TAFA2: variants seen among roughly 807,000 people sequenced by gnomAD.
The protein encoded by TAFA2 is TAFA chemokine like family member 2, also known as chemokine-like protein TAFA-2.
In TAFA2, 7 loss-of-function variants were observed where a neutral mutation model predicts 18.8. That is an observed-to-expected ratio of 0.37 (90% confidence interval 0.21 to 0.70). The LOEUF (loss-of-function observed/expected upper bound fraction) is 0.70. Among genes scored for constraint, TAFA2 ranks in the 30% least tolerant of loss-of-function variants. The probability of loss-of-function intolerance (pLI) is 0.53; values close to 1 mark genes in which losing one functional copy is unlikely to be tolerated. For missense variants in TAFA2, 122 were observed against 158.1 expected, an observed-to-expected ratio of 0.77 and a Z score of 1.23; for synonymous variants, 60 against 54.2, an observed-to-expected ratio of 1.11 and a Z score of -0.47.
At chr12:61,919,430 G>A (rs1876957444) in intron 1 of TAFA2, among the ~76,000 whole-genome samples, 1 of 152,110 alleles carries the variant, frequency 6.6e-6, no homozygotes, top group South Asian at 2.1e-4. Flanking sequence ...TTCACAGATG[G>A]AAGCTTCAGT....
At chr12:61,787,987 TGA>T (rs1870807826) in intron 2 of TAFA2, among the ~76,000 whole-genome samples, 1 of 151,444 alleles carries the variant, frequency 6.6e-6, no homozygotes, top group African/African-American at 2.4e-5. Context: ...GCAAAAAGAC[TGA>T]GAGTGAAGGG....
In TAFA2 at chr12:61,851,774, C is replaced by CAA. The variant is rs55651727; in HGVS notation, c.106+15544_106+15545dup. Among the ~76,000 whole-genome samples, 19 of 14,494 alleles carry CAA rather than the reference C, an allele frequency of 1.3e-3. 6 individuals carry two copies. Among genetic ancestry groups the CAA allele is most frequent in the East Asian group, 3.2e-3 (1 of 312 alleles). The allele number at this position is 14,494 out of a possible 152,430, so 9.5% of individuals were successfully genotyped here. The stretch of plus-strand genomic sequence containing the variant: ...TGGGCGACAGAGCGAGACTCCATCT[C>CAA]AAAAAAAAAAAAAAAAAAAAAAAAA... On this transcript the variant is annotated intron_variant, in intron 2 of 4. Transcript: ENST00000416284.
intron 2 of TAFA2, among the ~76,000 whole-genome samples, chr12:61,790,457 T>C (rs150267946): frequency 1.7e-4 from 26 of 151,948 alleles, no homozygotes; most frequent in African/African-American, 6.0e-4. Flanking sequence ...TAGTCTTATG[T>C]ATAGAAAATC....
intron 2 of TAFA2, among the ~76,000 whole-genome samples, chr12:61,864,090 T>C (rs1313219060): frequency 6.6e-6 from 1 of 152,112 alleles, no homozygotes; most frequent in African/African-American, 2.4e-5. Flanking sequence ...AAACAAGAAT[T>C]CCTGACTTGG....
At chr12:62,001,387 T>C (rs1474155104) in intron 1 of TAFA2, among the ~76,000 whole-genome samples, 2 of 152,090 alleles carry the variant, frequency 1.3e-5, no homozygotes, top group African/African-American at 4.8e-5. Flanking sequence ...GTAATTAATA[T>C]ATAATAAAAT....
At position 61,855,551 on chromosome 12, in the gene TAFA2, T is replaced by C. The variant is rs1080395; in HGVS notation, c.106+11769A>G. ...AAATGCACTTAAAATATGCTCTTTA[T>C]TTAACATGTATATTTATATTTCATC... On this transcript the variant is annotated intron_variant, in intron 2 of 4. Transcript: ENST00000416284. 8.5e-3 allele frequency among the ~76,000 whole-genome samples: 1,302 copies of C among 152,302 alleles called. 12 individuals carry two copies. Among genetic ancestry groups the C allele is most frequent in the African/African-American group, 0.029 (1,221 of 41,568 alleles).
At chr12:62,047,531 GT>G (rs376783608) in intron 1 of TAFA2, among the ~76,000 whole-genome samples, 270 of 152,224 alleles carry the variant, frequency 1.8e-3, no homozygotes, top group African/African-American at 6.1e-3. Flanking sequence ...TAGATGCCAG[GT>G]TTATTTGATC....
At chr12:62,069,689 A>G in intron 1 of TAFA2, among the ~76,000 whole-genome samples, 1 of 152,316 alleles carries the variant, frequency 6.6e-6, no homozygotes, top group South Asian at 2.1e-4. Flanking sequence ...AAGAAAACAC[A>G]TAATATATTG....
At chr12:62,006,598 A>G (rs1880559721) in intron 1 of TAFA2, among the ~76,000 whole-genome samples, 2 of 152,196 alleles carry the variant, frequency 1.3e-5, no homozygotes, top group African/African-American at 2.4e-5. Context: ...GAGAGGCTAC[A>G]ACTAGGAAGA....
At chr12:61,816,939 G>A (rs1565644192) in intron 2 of TAFA2, among the ~76,000 whole-genome samples, 1 of 151,178 alleles carries the variant, frequency 6.6e-6, no homozygotes, top group Non-Finnish European at 1.5e-5. Flanking sequence ...TATATATATT[G>A]TAATAGTATG....
At chr12:62,241,967 T>C (rs1020451805) in intron 1 of TAFA2, among the ~76,000 whole-genome samples, 3 of 152,224 alleles carry the variant, frequency 2.0e-5, no homozygotes, top group Admixed American at 6.5e-5. Context: ...TAGATGAAGA[T>C]AGTTAAGAGA....
chr12:62,011,751 T>TAAA (rs202026493), intron 1 of TAFA2, among the ~76,000 whole-genome samples: 6 of 102,864 alleles, frequency 5.8e-5, no homozygotes, highest in South Asian at 3.2e-4. Context: ...CAATAAATAC[T>TAAA]AAAAAAAAAA....
chr12:62,086,362 C>T (rs1477798164), intron 1 of TAFA2, among the ~76,000 whole-genome samples: 1 of 151,852 alleles, frequency 6.6e-6, no homozygotes, highest in East Asian at 1.9e-4. Flanking sequence ...AAAAGACAAC[C>T]CATAAAATGA....
intron 1 of TAFA2, among the ~76,000 whole-genome samples, chr12:61,966,807 T>A (rs536175056): frequency 3.9e-4 from 59 of 152,044 alleles, no homozygotes; most frequent in African/African-American, 1.3e-3. Flanking sequence ...ACAAATTCTC[T>A]CTTCCTTCTT....
At chr12:62,190,951 CTGT>C (rs1176179399) in intron 1 of TAFA2, among the ~76,000 whole-genome samples, 1 of 151,176 alleles carries the variant, frequency 6.6e-6, no homozygotes, top group African/African-American at 2.4e-5. Context: ...TGGTCGTTTG[CTGT>C]TATTAGGAGA....
chr12:62,246,321 AT>A (rs1256842510), intron 1 of TAFA2, among the ~76,000 whole-genome samples: 3 of 152,120 alleles, frequency 2.0e-5, no homozygotes, highest in Non-Finnish European at 4.4e-5. Context: ...ATGCTATGTA[AT>A]CTCTAACTAT....
At chr12:61,806,302 C>T (rs750406050) in intron 2 of TAFA2, among the ~76,000 whole-genome samples, 26 of 152,224 alleles carry the variant, frequency 1.7e-4, no homozygotes, top group East Asian at 7.7e-4. Flanking sequence ...ATGAGTCTCA[C>T]GAGATCTGAT....
intron 4 of TAFA2, among the ~76,000 whole-genome samples, chr12:61,715,251 T>C (rs191728193): frequency 9.2e-5 from 14 of 152,340 alleles, no homozygotes; most frequent in Non-Finnish European, 1.6e-4. Flanking sequence ...AATCTTGTTA[T>C]GTTAATAATA....
At chr12:62,021,715 T>C (rs983019888) in intron 1 of TAFA2, 4 of 1,511,548 alleles carry the variant, frequency 2.6e-6, no homozygotes, top group Non-Finnish European at 3.7e-6. Flanking sequence ...GTCTTACCAG[T>C]TGGGTCCCAA....
Sources: allele counts gnomAD v4.1 joint callset (sites outside exome capture counted in the v4.1 genomes callset), GRCh38; gene constraint gnomAD v4.1.1; transcripts MANE v1.5; gene names NCBI Gene and HGNC (gene_info 2026-07-23, HGNC 2026-07-21).